The following LRP2 variants were observed in gnomAD, a reference collection of about 807,000 sequenced individuals.
LRP2 encodes low-density lipoprotein receptor-related protein 2.
Under a neutral mutation model 531.0 loss-of-function variants are expected in LRP2, and 172 were observed. The observed-to-expected ratio is 0.32, with a 90% CI of 0.29 to 0.37. LRP2 has a LOEUF of 0.37. Ranked by LOEUF, LRP2 falls within the 10% of genes least tolerant of loss-of-function variation. The pLI is 1.00. For synonymous variants in LRP2, 1,992 were observed against 2,027.6 expected (o/e 0.98, Z 0.47); for missense variants, 5,167 against 5,868.3 (o/e 0.88, Z 3.90).
At chr2:169,350,536 C>T (rs1325410662) in intron 1 of LRP2, among the ~76,000 whole-genome samples, 2 of 151,804 alleles carry the variant, frequency 1.3e-5, no homozygotes, top group Non-Finnish European at 2.9e-5. Flanking sequence ...CCAGCCTGAC[C>T]AGCATGGCAA....
intron 64 of LRP2, among the ~76,000 whole-genome samples, chr2:169,156,883 A>G (rs1031627436): frequency 1.3e-5 from 2 of 152,228 alleles, no homozygotes; most frequent in Admixed American, 6.5e-5. Context: ...TGAATTAGAA[A>G]CAGTAAATTC....
intron 13 of LRP2, among the ~76,000 whole-genome samples, 165 bp downstream of exon 13, chr2:169,277,580 T>C (rs1683588951): frequency 6.6e-6 from 1 of 152,106 alleles, no homozygotes; most frequent in African/African-American, 2.4e-5. Context: ...GTTAACAAAA[T>C]AGAGCAGGTC....
chr2:169,138,298 A>C (rs940666822), intron 75 of LRP2, among the ~76,000 whole-genome samples: 2 of 152,188 alleles, frequency 1.3e-5, no homozygotes, highest in African/African-American at 4.8e-5. Context: ...CCCTCAAAAA[A>C]ACCAGAAAGC....
In LRP2 at chr2:169,151,814, A is replaced by C. The variant is rs139723155; in HGVS notation, c.12462-788T>G. On this transcript the variant is annotated intron_variant, in intron 67 of 78. Coordinates refer to ENST00000649046, the MANE Select transcript of LRP2 (RefSeq NM_004525.3). ...GTTTTGAGTTCCTGACTCTAGCAAC[A>C]GTACTCTAAGGCCCTGTTTCTTGAC... is the stretch of plus-strand genomic sequence containing the variant. Among the ~76,000 whole-genome samples, 15 of 152,310 alleles carry C rather than the reference A, an allele frequency of 9.8e-5. No homozygotes were observed. In the East Asian group the frequency reaches 2.9e-3, roughly 29 times the overall value.
chr2:169,162,843 T>C (rs1558988071), intron 62 of LRP2, among the ~76,000 whole-genome samples: 1 of 152,236 alleles, frequency 6.6e-6, no homozygotes, highest in Admixed American at 6.5e-5. Flanking sequence ...CCGTGTCTCC[T>C]GTGCTGCTGC....
At chr2:169,243,685 C>T (rs1194111733) in intron 22 of LRP2, among the ~76,000 whole-genome samples, 163 bp from the exon 23 acceptor site, 1 of 152,270 alleles carries the variant, frequency 6.6e-6, no homozygotes, top group Middle Eastern at 3.4e-3. Flanking sequence ...AGCAAAAGAA[C>T]TCAAAACTAG....
chr2:169,201,545 C>G, intron 44 of LRP2, 83 bp downstream of exon 44: 2 of 1,577,298 alleles, frequency 1.3e-6, no homozygotes, highest in Non-Finnish European at 1.7e-6. Flanking sequence ...TTTTGGAAAG[C>G]CTTTTTTTTA....
intron 68 of LRP2, among the ~76,000 whole-genome samples, chr2:169,147,700 G>A (rs951228006): frequency 6.6e-6 from 1 of 152,132 alleles, no homozygotes; most frequent in African/African-American, 2.4e-5. Context: ...ATCTCACATT[G>A]AATTACCTAG....
At position 169,280,503 on chromosome 2, in the gene LRP2, A is replaced by G; in HGVS notation, c.1188T>C (p.Ile396=). 1.9e-6 allele frequency: 3 copies of G among 1,614,154 alleles called. No homozygotes were observed. Among genetic ancestry groups the G allele is most frequent in the Non-Finnish European group, 2.5e-6 (3 of 1,180,008 alleles). The stretch of plus-strand genomic sequence containing the variant: ...ACAAATCCCGACCATTGGAGAAGAT[A>G]ATGGAGGCCTCGCCAACTAAATGCG... ...KANDSFGEAS[I]IFSNGRDLLI... is the part of the protein sequence containing the mutation. Residue 396 remains isoleucine, a synonymous_variant, in exon 11 of 79, where the codon ATT becomes ATC. Transcript: ENST00000649046.
chr2:169,128,541 T>C lies in LRP2; in HGVS notation c.*122A>G, dbSNP rs570023654. The C allele has an allele frequency of 2.6e-4, 251 of 970,134 alleles. No individual in the cohort carries two copies. Among genetic ancestry groups the C allele is most frequent in the Non-Finnish European group, 3.6e-4 (226 of 623,986 alleles). 60.1% of individuals were successfully genotyped at this position (970,134 alleles called of 1,614,324 possible). ...AAGACACACAGGATACCTCCAACTA[T>C]AGGCAAACAGGGAAAAATATATTTT... On this transcript the variant is annotated 3_prime_UTR_variant, in exon 79 of 79. Transcript: ENST00000649046.
intron 76 of LRP2, among the ~76,000 whole-genome samples, chr2:169,133,814 C>G (rs1685377623): frequency 6.6e-6 from 1 of 152,138 alleles, no homozygotes; most frequent in Admixed American, 6.5e-5. Flanking sequence ...TTTACTATTC[C>G]TTTGCACCCG....
Position 169,168,546 on chromosome 2 carries a change from G to C in LRP2, c.11628C>G (p.His3876Gln). The C allele has an allele frequency of 1.2e-6, 2 of 1,614,036 alleles. No homozygotes were observed. Among genetic ancestry groups the C allele is most frequent in the Non-Finnish European group, 8.5e-7 (1 of 1,179,950 alleles). ...DCGDGSDEELHLCLDVPCNSP... is the reference protein window; with the variant it reads ...DCGDGSDEELQLCLDVPCNSP... ...CGTTTCTCTCCCTCTTACAGCACAG[G>C]TGAAGTTCTTCATCTGAACCATCGC... The change falls in exon 61 of 79, where the codon CAC becomes CAG. Residue 3876 changes from histidine (H) to glutamine (Q), a missense_variant. Coordinates refer to ENST00000649046, the MANE Select transcript of LRP2 (RefSeq NM_004525.3).
rs1274958812 is a variant in LRP2, at chr2:169,157,520, A to G, written c.11888-18T>C. The G allele has an allele frequency of 6.2e-7, 1 of 1,611,574 alleles. No homozygotes were observed. Among genetic ancestry groups the G allele is most frequent in the Non-Finnish European group, 8.5e-7 (1 of 1,178,988 alleles). On this transcript the variant is annotated intron_variant, in intron 63 of 78. Coordinates refer to ENST00000649046, the MANE Select transcript of LRP2 (RefSeq NM_004525.3). ...TCCTTTATCTGAAAAACAAAATCCC[A>G]GCATTACAAACCAGATCAGCCACAA...
chr2:169,232,620 G>C (rs181345712), intron 30 of LRP2, among the ~76,000 whole-genome samples: 1 of 152,178 alleles, frequency 6.6e-6, no homozygotes, highest in African/African-American at 2.4e-5. Context: ...TTTAGGTAGA[G>C]CGGTCAATGA....
intron 1 of LRP2, among the ~76,000 whole-genome samples, chr2:169,331,569 A>G (rs572777743): frequency 6.6e-6 from 1 of 152,282 alleles, no homozygotes; most frequent in South Asian, 2.1e-4. Flanking sequence ...TCTGGCCCCA[A>G]TCCCCACTAG....
At position 169,207,224 on chromosome 2, in the gene LRP2, C is replaced by A. The variant is rs757821381; in HGVS notation, c.6496G>T (p.Val2166Phe). Reference protein sequence around the residue: ...AGNLYFTNAFVSETLIEVLRI... With the variant: ...AGNLYFTNAFFSETLIEVLRI... ...AGAACTTCTATCAGTGTTTCAGAAA[C>A]AAAGGCATTGGTGAAATAAAGATTT... Residue 2166 changes from valine (V) to phenylalanine (F), a missense_variant, in exon 39 of 79, where the codon GTT becomes TTT. This residue lies in a region of LRP2 where 2,811 missense variants were observed against 3,058.0 expected (regional missense o/e 0.92). Transcript: ENST00000649046. 1 of 1,613,764 alleles carries A rather than the reference C, an allele frequency of 6.2e-7. No individual in the cohort carries two copies. The highest frequency in any genetic ancestry group is 1.3e-5 in the African/African-American group (1 of 74,956).
At chr2:169,339,436 G>A (rs831033) in intron 1 of LRP2, among the ~76,000 whole-genome samples, 9,209 of 152,016 alleles carry the variant, frequency 0.061, 389 homozygotes, top group Non-Finnish European at 0.088. Context: ...TTCCACATGC[G>A]TTCAAAAATA....
In LRP2 at chr2:169,241,236, C is replaced by G. The variant is rs765588358; in HGVS notation, c.3797G>C (p.Cys1266Ser). Residue 1266 changes from cysteine to serine, a missense_variant, in exon 25 of 79, where the codon TGT becomes TCT. Coordinates refer to ENST00000649046, the MANE Select transcript of LRP2 (RefSeq NM_004525.3). ...TGATGAAGGGCAAGTCTTGGGGACA[C>G]AGGCATTGTGCTCATCAGATCCATA... ...CLYGSDEHNA[C>S]VPKTCPSSYF... 1 of 1,614,186 alleles carries G rather than the reference C, an allele frequency of 6.2e-7. No homozygotes were observed. The highest frequency in any genetic ancestry group is 8.5e-7 in the Non-Finnish European group (1 of 1,180,032).
intron 51 of LRP2, among the ~76,000 whole-genome samples, chr2:169,181,869 C>T (rs371680530): frequency 1.3e-5 from 2 of 152,136 alleles, no homozygotes; most frequent in East Asian, 1.9e-4. Flanking sequence ...GCTTTGACTT[C>T]GAGAGTCCAG....
Sources: allele counts gnomAD v4.1 joint callset (sites outside exome capture counted in the v4.1 genomes callset), GRCh38; gene constraint gnomAD v4.1.1; regional missense constraint gnomAD v4.1.1; transcripts MANE v1.5; gene names NCBI Gene and HGNC (gene_info 2026-07-23, HGNC 2026-07-21).